The following CDH11 variants were observed in gnomAD, a reference collection of about 807,000 sequenced individuals.
The protein encoded by CDH11 is cadherin 11.
In CDH11, 11 loss-of-function variants were observed where a neutral mutation model predicts 67.8. The ratio of observed to expected loss-of-function variants is 0.16; its 90% confidence interval spans 0.10 to 0.27. CDH11 has a LOEUF of 0.27. Ranked by LOEUF, CDH11 falls within the 10% of genes least tolerant of loss-of-function variation. The pLI is 1.00. For missense variants in CDH11, 847 were observed against 1,031.2 expected (o/e 0.82, Z 2.45); for synonymous variants, 419 against 400.0 (o/e 1.05, Z -0.57).
intron 1 of CDH11, among the ~76,000 whole-genome samples, chr16:65,093,626 C>G (rs1015723909): frequency 6.6e-6 from 1 of 152,148 alleles, no homozygotes; most frequent in African/African-American, 2.4e-5. Context: ...CACGCGTACA[C>G]AGCAGTTATT....
At position 64,987,571 on chromosome 16, in the gene CDH11, T is replaced by G. The variant is rs1301388311; in HGVS notation, c.999+586A>C. 4 of 152,294 alleles carry G rather than the reference T, an allele frequency of 2.6e-5. No individual in the cohort carries two copies. The East Asian group carries it at 7.7e-4, about 29-fold the overall frequency. The allele number at this position is 152,294 out of a possible 1,614,324, so 9.4% of individuals were successfully genotyped here. On this transcript the variant is annotated intron_variant, in intron 7 of 12. Transcript: ENST00000268603. Reference sequence around the variant, plus strand: ...ATGTAAAAAAGAAGAAACACTAAACTTCTCTTTGTAATAAATTAATTCCAG... The same window carrying G: ...ATGTAAAAAAGAAGAAACACTAAACGTCTCTTTGTAATAAATTAATTCCAG...
intron 2 of CDH11, among the ~76,000 whole-genome samples, chr16:65,009,584 C>A (rs151201903): frequency 6.6e-6 from 1 of 152,060 alleles, no homozygotes; most frequent in Non-Finnish European, 1.5e-5. Flanking sequence ...GGAGGCTGCC[C>A]TCCTAAGGAG....
At chr16:64,998,440 T>A (rs765798609) in intron 4 of CDH11, 122 bp downstream of exon 4, 30 of 928,504 alleles carry the variant, frequency 3.2e-5, no homozygotes, top group Non-Finnish European at 4.9e-5. Flanking sequence ...GTTCCTTTTG[T>A]TATTTTGCCA....
Position 64,946,954 on chromosome 16 carries a change from T to C in CDH11, c.*649A>G. The C allele has an allele frequency of 2.2e-6, 2 of 895,770 alleles. No individual in the cohort carries two copies. Among genetic ancestry groups the C allele is most frequent in the South Asian group, 5.3e-5 (1 of 18,862 alleles). The allele number at this position is 895,770 out of a possible 1,614,324, so 55.5% of individuals were successfully genotyped here. ...AGAACTTTAAAATTGTACAAATAGA[T>C]ACATTAAAAATGACATAGAAATAGG... is the stretch of plus-strand genomic sequence containing the variant. On this transcript the variant is annotated 3_prime_UTR_variant, in exon 13 of 13. Coordinates refer to ENST00000268603, the MANE Select transcript of CDH11 (RefSeq NM_001797.4).
intron 4 of CDH11, among the ~76,000 whole-genome samples, chr16:64,994,629 A>AT (rs138258819): frequency 0.05 from 7,588 of 152,246 alleles, 270 homozygotes; most frequent in Non-Finnish European, 0.07. Flanking sequence ...AGCTGGAAGC[A>AT]TTCTCCTTCA....
At chr16:65,032,360 G>A (rs1382786133) in intron 2 of CDH11, among the ~76,000 whole-genome samples, 1 of 151,656 alleles carries the variant, frequency 6.6e-6, no homozygotes, top group East Asian at 1.9e-4. Flanking sequence ...CATGGGGGTG[G>A]CATGCCTGTA....
chr16:65,035,217 C>A (rs954858750), intron 2 of CDH11, among the ~76,000 whole-genome samples: 7 of 152,328 alleles, frequency 4.6e-5, no homozygotes, highest in African/African-American at 1.7e-4. Context: ...CTTCCTAATC[C>A]CTTGCATCAG....
intron 11 of CDH11, among the ~76,000 whole-genome samples, chr16:64,960,911 C>G (rs1286008231): frequency 6.6e-6 from 1 of 151,936 alleles, no homozygotes; most frequent in Non-Finnish European, 1.5e-5. Context: ...GTCAGACAGA[C>G]CTGTTTGTAG....
At chr16:65,002,590 CTCT>C (rs970729851) in intron 3 of CDH11, among the ~76,000 whole-genome samples, 8 of 152,190 alleles carry the variant, frequency 5.3e-5, no homozygotes, top group African/African-American at 1.7e-4. Flanking sequence ...TTTGGTACAT[CTCT>C]TCAAGAAGAA....
chr16:64,997,972 A>T (rs2072816211), intron 4 of CDH11, among the ~76,000 whole-genome samples: 1 of 152,256 alleles, frequency 6.6e-6, no homozygotes, highest in African/African-American at 2.4e-5. Context: ...CATTATGTGC[A>T]TGTTATAAAG....
intron 1 of CDH11, among the ~76,000 whole-genome samples, chr16:65,087,098 T>C (rs1329603065): frequency 6.6e-6 from 1 of 152,106 alleles, no homozygotes; most frequent in Non-Finnish European, 1.5e-5. Context: ...CGGAGTTAGG[T>C]GTGAATTGGA....
chr16:64,961,545 T>A (rs1367617550), intron 11 of CDH11, among the ~76,000 whole-genome samples: 1 of 152,160 alleles, frequency 6.6e-6, no homozygotes, highest in Non-Finnish European at 1.5e-5. Flanking sequence ...GCTCAATTCA[T>A]ATAGTGTAAT....
chr16:64,997,235 G>A (rs2072793974), intron 4 of CDH11, among the ~76,000 whole-genome samples: 1 of 151,712 alleles, frequency 6.6e-6, no homozygotes, highest in Non-Finnish European at 1.5e-5. Context: ...GGGAGACAGA[G>A]GTTGTAGTGA....
At chr16:64,999,542 C>G (rs1003371879) in intron 3 of CDH11, among the ~76,000 whole-genome samples, 1 of 150,584 alleles carries the variant, frequency 6.6e-6, no homozygotes, top group Non-Finnish European at 1.5e-5. Flanking sequence ...TTGGGTTTTT[C>G]TTTTTTTTTG....
intron 2 of CDH11, among the ~76,000 whole-genome samples, chr16:65,012,189 G>A (rs192105300): frequency 6.2e-4 from 94 of 152,250 alleles, no homozygotes; most frequent in Admixed American, 2.2e-3. Flanking sequence ...GTAAAGTATC[G>A]GTCCTGTATT....
At chr16:65,034,647 G>GTA (rs1445958792) in intron 2 of CDH11, among the ~76,000 whole-genome samples, 2 of 152,206 alleles carry the variant, frequency 1.3e-5, no homozygotes, top group African/African-American at 4.8e-5. Context: ...CGAACACTAT[G>GTA]TATAGCATGT....
chr16:65,017,726 A>G (rs188215452), intron 2 of CDH11, among the ~76,000 whole-genome samples: 2 of 152,302 alleles, frequency 1.3e-5, no homozygotes, highest in Non-Finnish European at 1.5e-5. Flanking sequence ...AGAATACTCA[A>G]CTAGATCTGT....
Position 65,121,021 on chromosome 16 carries a change from C to T in CDH11, c.-298+859G>A, listed in dbSNP as rs1316204067. ...GCAGAGCGCAGGGAGGGAGGCCGTG[C>T]GTGCCGGGAGCTAGAGAGGCTTGGC... On this transcript the variant is annotated intron_variant, in intron 1 of 12. Coordinates refer to ENST00000268603, the MANE Select transcript of CDH11 (RefSeq NM_001797.4). This position sits in a 1 kb window ranked among gnomAD's most constrained non-coding sequence, Gnocchi z 4.1. Among the ~76,000 whole-genome samples the T allele has an allele frequency of 1.3e-5, 2 of 152,172 alleles. No homozygotes were observed. Among genetic ancestry groups the T allele is most frequent in the African/African-American group, 4.8e-5 (2 of 41,442 alleles).
chr16:65,115,795 C>A (rs1186128693), intron 1 of CDH11, among the ~76,000 whole-genome samples: 1 of 151,218 alleles, frequency 6.6e-6, no homozygotes, highest in Non-Finnish European at 1.5e-5. Context: ...GATTAGTTGG[C>A]CAGGTACAGT....
Sources: allele counts gnomAD v4.1 joint callset (sites outside exome capture counted in the v4.1 genomes callset), GRCh38; gene constraint gnomAD v4.1.1; non-coding constraint Gnocchi (gnomAD v3.1); transcripts MANE v1.5; gene names NCBI Gene and HGNC (gene_info 2026-07-23, HGNC 2026-07-21).